CCPG1: variants seen among roughly 807,000 people sequenced by gnomAD.
CCPG1 encodes cell cycle progression protein 1.
In CCPG1, 46 loss-of-function variants were observed where a neutral mutation model predicts 81.3. That is an observed-to-expected ratio of 0.57 (90% CI 0.45 to 0.72). The LOEUF is 0.72. Among genes scored for constraint, CCPG1 ranks in the 30% least tolerant of loss-of-function variants. The pLI is 0.00. For missense variants in CCPG1, 902 were observed against 937.6 expected (o/e 0.96, Z 0.50); for synonymous variants, 330 against 305.2 (o/e 1.08, Z -0.85).
intron 8 of CCPG1, 59 bp from the exon 9 acceptor site, chr15:55,356,468 A>G: frequency 7.3e-7 from 1 of 1,377,054 alleles, no homozygotes; most frequent in East Asian, 2.5e-5. Context: ...TAAATTTAAA[A>G]CAATTTTAAA....
chr15:55,379,146 A>C (rs1044102547), intron 3 of CCPG1, among the ~76,000 whole-genome samples: 5 of 105,664 alleles, frequency 4.7e-5, no homozygotes, highest in African/African-American at 2.1e-4. Context: ...TTATGAAAGT[A>C]TGTATGTATA....
At chr15:55,406,281 C>G (rs879092983) in intron 1 of CCPG1, among the ~76,000 whole-genome samples, 1 of 146,324 alleles carries the variant, frequency 6.8e-6, no homozygotes, top group Admixed American at 6.9e-5. Context: ...GATATAGAAA[C>G]TCTCAAAGTG....
chr15:55,356,159 CA>C lies in CCPG1; in HGVS notation c.*60del, dbSNP rs1259278571. ...TTGGTAATTTCATTAGTTTCAATACCAAACATTATACAAAGCATAAATTTTT... is the reference window on the plus strand; with the variant it reads ...TTGGTAATTTCATTAGTTTCAATACCAACATTATACAAAGCATAAATTTTT... On this transcript the variant is annotated 3_prime_UTR_variant, in exon 9 of 9. Coordinates refer to ENST00000442196, the MANE Select transcript of CCPG1 (RefSeq NM_001204450.2). 6 of 1,262,570 alleles carry C rather than the reference CA, an allele frequency of 4.8e-6. No homozygotes were observed. The highest frequency in any genetic ancestry group is 1.8e-4 in the Middle Eastern group (1 of 5,434). 78.2% of individuals were successfully genotyped at this position (1,262,570 alleles called of 1,614,324 possible). A position where few individuals can be genotyped will look rare whatever the true frequency, so the allele number is the denominator to read the frequency against.
rs182285951 is a variant in CCPG1, at chr15:55,356,020, A to G, written c.*200T>C. 5.2e-5 allele frequency: 27 copies of G among 520,186 alleles called. No individual in the cohort carries two copies. The East Asian group carries it at 7.5e-4, about 14-fold the overall frequency. The allele number at this position is 520,186 out of a possible 1,614,324, so 32.2% of individuals were successfully genotyped here. On this transcript the variant is annotated 3_prime_UTR_variant, in exon 9 of 9. Coordinates refer to ENST00000442196, the MANE Select transcript of CCPG1 (RefSeq NM_001204450.2). ...CATTTCCAGTGTCAAAAAAAATTCAACGAAGCTAAACTACAGGAAAATGCA... is the reference window on the plus strand; with the variant it reads ...CATTTCCAGTGTCAAAAAAAATTCAGCGAAGCTAAACTACAGGAAAATGCA...
intron 3 of CCPG1, among the ~76,000 whole-genome samples, chr15:55,382,635 G>A (rs549118808): frequency 2.2e-4 from 33 of 151,552 alleles, no homozygotes; most frequent in Non-Finnish European, 4.0e-4. Context: ...TCAGCCTCCC[G>A]AGTAGCTGGG....
chr15:55,363,563 G>C (rs766615178), intron 7 of CCPG1, among the ~76,000 whole-genome samples: 2 of 150,388 alleles, frequency 1.3e-5, no homozygotes, highest in Non-Finnish European at 3.0e-5. Flanking sequence ...TGTGTCTACA[G>C]CCATAACACC....
In CCPG1 at chr15:55,397,812, A is replaced by C. The variant is rs146128493; in HGVS notation, c.-9-8379T>G. On this transcript the variant is annotated intron_variant, in intron 1 of 8. Transcript: ENST00000442196. ...ACCAACATGGTGAAACCCTGTCTCT[A>C]TTAAAAATACAAAAATTGGCCAGGT... Among the ~76,000 whole-genome samples, 14 of 152,268 alleles carry C rather than the reference A, an allele frequency of 9.2e-5. 1 individual carries two copies. In the East Asian group the frequency reaches 2.5e-3, roughly 27 times the overall value.
chr15:55,357,449 T>C (rs1203350056), intron 8 of CCPG1: 2 of 985,048 alleles, frequency 2.0e-6, no homozygotes, highest in Non-Finnish European at 2.4e-6. Context: ...CTGCTACCAA[T>C]ACATTAGTCC....
intron 7 of CCPG1, 21 bp from the exon 8 acceptor site, chr15:55,360,965 GAAGA>G (rs1483972724): frequency 6.7e-7 from 1 of 1,489,038 alleles, no homozygotes; most frequent in East Asian, 2.3e-5. Flanking sequence ...TTTTGAAAGA[GAAGA>G]AATAAAATGT....
chr15:55,359,183 A>C, intron 8 of CCPG1: 7 of 984,966 alleles, frequency 7.1e-6, no homozygotes, highest in Non-Finnish European at 7.3e-6. Context: ...AAGTGAATAA[A>C]TACATAAAAG....
At chr15:55,389,477 T>A (rs755569088) in intron 1 of CCPG1, 44 bp from the exon 2 acceptor site, 9 of 1,374,716 alleles carry the variant, frequency 6.5e-6, no homozygotes, top group East Asian at 4.6e-5. Context: ...ACATTTTTTT[T>A]AATTCTATAG....
At position 55,363,799 on chromosome 15, in the gene CCPG1, C is replaced by CTTTTTTTTTTTTTT. The variant is rs565044184; in HGVS notation, c.828+1375_828+1388dup. ...AATAGCTTACTTTTCTTTCCTTTTC[C>CTTTTTTTTTTTTTT]TTTTTTTTTTTTTTTTTTTTTTTTG... On this transcript the variant is annotated intron_variant, in intron 7 of 8. Transcript: ENST00000442196. 7.0e-4 allele frequency among the ~76,000 whole-genome samples: 66 copies of CTTTTTTTTTTTTTT among 93,930 alleles called. 4 individuals are homozygous for CTTTTTTTTTTTTTT. The highest frequency in any genetic ancestry group is 2.7e-3 in the African/African-American group (61 of 22,254). The allele number at this position is 93,930 out of a possible 152,430, so 61.6% of individuals were successfully genotyped here.
chr15:55,365,640 C>A (rs566041372), intron 6 of CCPG1, among the ~76,000 whole-genome samples: 6 of 151,434 alleles, frequency 4.0e-5, no homozygotes, highest in African/African-American at 1.5e-4. Flanking sequence ...CTCAAACTCC[C>A]GGCCTCAAGT....
chr15:55,360,918 A>G lies in CCPG1; in HGVS notation c.855T>C (p.Cys285=), dbSNP rs1351264086. The G allele has an allele frequency of 3.2e-6, 5 of 1,550,152 alleles. No homozygotes were observed. Among genetic ancestry groups the G allele is most frequent in the Non-Finnish European group, 8.7e-7 (1 of 1,153,852 alleles). The change falls in exon 8 of 9, where the codon TGT becomes TGC. Residue 285 remains cysteine (C), a synonymous_variant. Coordinates refer to ENST00000442196, the MANE Select transcript of CCPG1 (RefSeq NM_001204450.2). ...TCTTCTCTGCTTCAGTAAGTGTCCAACACCTTGCAAGATTTTCTTTCAATG... is the reference window on the plus strand; with the variant it reads ...TCTTCTCTGCTTCAGTAAGTGTCCAGCACCTTGCAAGATTTTCTTTCAATG... ...YKSLKENLAR[C]WTLTEAEKMS... is the part of the protein sequence containing the mutation.
chr15:55,403,405 T>TAAA (rs34854989), intron 1 of CCPG1, among the ~76,000 whole-genome samples: 22 of 143,910 alleles, frequency 1.5e-4, no homozygotes, highest in African/African-American at 4.5e-4. Flanking sequence ...GATAAGTACT[T>TAAA]AAAAAAAAAA....
Position 55,386,317 on chromosome 15 carries a change from T to C in CCPG1, c.61-603A>G, listed in dbSNP as rs913221984. The stretch of plus-strand genomic sequence containing the variant: ...AAAAATGGCTAAAGCTTTAATGACA[T>C]GGATTAAATAAACCTATAGGGTTAA... On this transcript the variant is annotated intron_variant, in intron 2 of 8. Coordinates refer to ENST00000442196, the MANE Select transcript of CCPG1 (RefSeq NM_001204450.2). Among the ~76,000 whole-genome samples, 3 of 152,152 alleles carry C rather than the reference T, an allele frequency of 2.0e-5. No homozygotes were observed. In the East Asian group the frequency reaches 5.8e-4, roughly 29 times the overall value.
intron 1 of CCPG1, among the ~76,000 whole-genome samples, chr15:55,390,367 G>C (rs968444226): frequency 1.3e-5 from 2 of 152,134 alleles, no homozygotes; most frequent in Non-Finnish European, 2.9e-5. Flanking sequence ...GCATACAATG[G>C]TCACTCCACC....
chr15:55,370,451 G>T (rs2056422876), intron 6 of CCPG1, among the ~76,000 whole-genome samples: 1 of 152,162 alleles, frequency 6.6e-6, no homozygotes, highest in South Asian at 2.1e-4. Context: ...GAGAGTCAAA[G>T]TTCAGGTTTC....
At chr15:55,404,903 C>T (rs2057188639) in intron 1 of CCPG1, among the ~76,000 whole-genome samples, 1 of 152,172 alleles carries the variant, frequency 6.6e-6, no homozygotes, top group Non-Finnish European at 1.5e-5. Flanking sequence ...AACCCCATCT[C>T]TACTAAAAAT....
Sources: allele counts gnomAD v4.1 joint callset (sites outside exome capture counted in the v4.1 genomes callset), GRCh38; gene constraint gnomAD v4.1.1; transcripts MANE v1.5; gene names NCBI Gene and HGNC (gene_info 2026-07-23, HGNC 2026-07-21).